MRNIP: variants seen among roughly 807,000 people sequenced by gnomAD.
MRNIP encodes the protein MRN complex-interacting protein.
MRNIP carries 30 observed loss-of-function variants against 29.8 expected under a neutral mutation model. That is an observed-to-expected ratio of 1.01 (90% CI 0.75 to 1.36). The LOEUF (loss-of-function observed/expected upper bound fraction) is 1.36. Among genes scored for constraint, MRNIP ranks in the 40% most tolerant of loss-of-function variants. The pLI is 0.00. For synonymous variants in MRNIP, 201 were observed against 164.1 expected (o/e 1.23, Z -1.72); for missense variants, 459 against 423.5 (o/e 1.08, Z -0.74).
At chr5:179,849,602 C>T (rs269457) in intron 2 of MRNIP, among the ~76,000 whole-genome samples, 6,048 of 129,120 alleles carry the variant, frequency 0.047, 141 homozygotes, top group Middle Eastern at 0.092. Context: ...TGCTACGAGA[C>T]GGAATTTGAG....
intron 4 of MRNIP, among the ~76,000 whole-genome samples, chr5:179,842,469 A>G (rs1392637973): frequency 1.4e-5 from 2 of 145,990 alleles, no homozygotes; most frequent in Non-Finnish European, 3.0e-5. Context: ...TCACAAGGTC[A>G]GGAGATCGAG....
At chr5:179,840,556 C>G in intron 6 of MRNIP, 1 of 497,262 alleles carries the variant, frequency 2.0e-6, no homozygotes, top group South Asian at 3.1e-5. Flanking sequence ...CAAAGGTCCC[C>G]GTGCTCCACG....
At chr5:179,840,565 C>A (rs543604185) in intron 6 of MRNIP, 4 of 520,016 alleles carry the variant, frequency 7.7e-6, no homozygotes, top group Non-Finnish European at 1.0e-5. Flanking sequence ...CCGTGCTCCA[C>A]GCAGAATGAG....
At chr5:179,842,442 A>AG (rs1280050875) in intron 4 of MRNIP, among the ~76,000 whole-genome samples, 1 of 151,368 alleles carries the variant, frequency 6.6e-6, no homozygotes. Flanking sequence ...GCACCTTGGG[A>AG]GGCCGAGGCT....
In MRNIP at chr5:179,842,003, A is replaced by G. The variant is rs539210448; in HGVS notation, c.353T>C (p.Leu118Pro). 6.8e-6 allele frequency: 11 copies of G among 1,613,948 alleles called. No individual in the cohort carries two copies. The Middle Eastern group carries it at 4.9e-4, about 72-fold the overall frequency. ...ACACACTCCTGTTCCTTCCAGCTCC[A>G]GTTCTTGGGAGTCCTTTTCTAGATA... ...LKYLEKDSQE[L>P]ELEGTGVCFS... is the part of the protein sequence containing the mutation. The change falls in exon 5 of 7, where the codon CTG becomes CCG. Residue 118 changes from leucine (L) to proline (P), a missense_variant. By Grantham distance (98) the Leu-to-Pro change is moderately conservative. Transcript: ENST00000292586.
At chr5:179,853,952 T>C (rs1759481111) in intron 1 of MRNIP, among the ~76,000 whole-genome samples, 1 of 151,544 alleles carries the variant, frequency 6.6e-6, no homozygotes, top group Non-Finnish European at 1.5e-5. Flanking sequence ...CCTCAAGTGA[T>C]CCACCTGCCT....
chr5:179,848,552 T>C (rs1355668445), intron 2 of MRNIP, among the ~76,000 whole-genome samples: 1 of 152,184 alleles, frequency 6.6e-6, no homozygotes, highest in Non-Finnish European at 1.5e-5. Flanking sequence ...AGGCCTCATC[T>C]TGGGGTAGAC....
chr5:179,858,311 G>C (rs1305095603), intron 1 of MRNIP, among the ~76,000 whole-genome samples: 1 of 152,222 alleles, frequency 6.6e-6, no homozygotes, highest in Non-Finnish European at 1.5e-5. Context: ...CCGCGGAAAC[G>C]GACGGCGGCA....
chr5:179,853,505 G>T, intron 1 of MRNIP, 68 bp from the exon 2 acceptor site: 3 of 1,321,346 alleles, frequency 2.3e-6, no homozygotes, highest in Non-Finnish European at 3.2e-6. Context: ...GGCTGGACTC[G>T]GTGGCTCATG....
At chr5:179,841,835 G>T (rs1302664868) in intron 5 of MRNIP, 72 bp downstream of exon 5, 1 of 1,494,388 alleles carries the variant, frequency 6.7e-7, no homozygotes, top group Non-Finnish European at 9.1e-7. Flanking sequence ...GCTCACAGTG[G>T]CTCACTGGTG....
chr5:179,845,993 AGAG>A (rs1436127599), intron 3 of MRNIP: 8 of 152,184 alleles, frequency 5.3e-5, no homozygotes, highest in African/African-American at 1.9e-4. Flanking sequence ...CACCTCCAAT[AGAG>A]GAGGAGCGGT....
chr5:179,841,860 G>T, intron 5 of MRNIP, 47 bp downstream of exon 5: 1 of 1,585,072 alleles, frequency 6.3e-7, no homozygotes, highest in Non-Finnish European at 8.6e-7. Context: ...ACTGCTGGAG[G>T]CAGCAGAGGC....
chr5:179,856,316 G>C (rs1313448788), intron 1 of MRNIP, among the ~76,000 whole-genome samples: 1 of 152,186 alleles, frequency 6.6e-6, no homozygotes, highest in Non-Finnish European at 1.5e-5. Flanking sequence ...GAAACCACTT[G>C]ATTCCCGTGT....
intron 3 of MRNIP, 91 bp downstream of exon 3, chr5:179,847,887 T>C: frequency 1.1e-6 from 1 of 878,332 alleles, no homozygotes. Flanking sequence ...CACAGCAGAG[T>C]GCCCAGCTCA....
intron 4 of MRNIP, among the ~76,000 whole-genome samples, chr5:179,843,899 C>T (rs1759016291): frequency 6.6e-6 from 1 of 152,140 alleles, no homozygotes; most frequent in South Asian, 2.1e-4. Flanking sequence ...ATTTGAGCTA[C>T]ATTCAGGAGT....
intron 5 of MRNIP, chr5:179,841,457 C>T (rs1374641973): frequency 5.1e-5 from 9 of 175,718 alleles, no homozygotes; most frequent in Non-Finnish European, 8.4e-5. Flanking sequence ...GCAGAATCTA[C>T]CTCCTGAAAG....
intron 6 of MRNIP, chr5:179,840,612 G>C: frequency 1.8e-6 from 1 of 569,186 alleles, no homozygotes; most frequent in South Asian, 2.2e-5. Flanking sequence ...TGACCTGCTG[G>C]CCAACCTCAG....
intron 2 of MRNIP, among the ~76,000 whole-genome samples, chr5:179,852,842 C>G (rs183865861): frequency 6.6e-6 from 1 of 152,166 alleles, no homozygotes. Context: ...AAAAGACGTA[C>G]TGAATGCCAG....
intron 5 of MRNIP, chr5:179,841,706 T>G (rs1284287289): frequency 1.3e-5 from 8 of 618,048 alleles, no homozygotes; most frequent in Non-Finnish European, 2.3e-5. Flanking sequence ...CTGCCCAGCC[T>G]TCGCCTCTGC....
Sources: allele counts gnomAD v4.1 joint callset (sites outside exome capture counted in the v4.1 genomes callset), GRCh38; gene constraint gnomAD v4.1.1; transcripts MANE v1.5; gene names NCBI Gene and HGNC (gene_info 2026-07-23, HGNC 2026-07-21).